Variants in CACNA1C observed in about 807,000 individuals in gnomAD.
The protein encoded by CACNA1C is voltage-dependent L-type calcium channel subunit alpha-1C.
In CACNA1C, 30 loss-of-function variants were observed where a neutral mutation model predicts 229.0. The ratio of observed to expected loss-of-function variants is 0.13; its 90% CI spans 0.10 to 0.18. The LOEUF (loss-of-function observed/expected upper bound fraction) is 0.18, where lower values mean the gene tolerates loss of function less well. Among genes scored for constraint, CACNA1C ranks in the 10% least tolerant of loss-of-function variants. CACNA1C has a pLI of 1.00. For missense variants in CACNA1C, 1,658 were observed against 2,845.0 expected (o/e 0.58, Z 9.49); for synonymous variants, 1,114 against 1,132.5 (o/e 0.98, Z 0.33).
chr12:2,025,923 G>A (rs1200024091), intron 1 of CACNA1C, among the ~76,000 whole-genome samples: 3 of 150,530 alleles, frequency 2.0e-5, no homozygotes, highest in Non-Finnish European at 4.4e-5. Context: ...GTAGCACTTC[G>A]CTAGGGTAAC....
At chr12:2,254,130 A>C (rs2076544495) in intron 3 of CACNA1C, among the ~76,000 whole-genome samples, 1 of 152,184 alleles carries the variant, frequency 6.6e-6, no homozygotes, top group Non-Finnish European at 1.5e-5. Context: ...AGTCCAGAAA[A>C]ACTCGCAATG....
At chr12:2,617,046 T>C (rs2081011819) in intron 29 of CACNA1C, among the ~76,000 whole-genome samples, 1 of 152,242 alleles carries the variant, frequency 6.6e-6, no homozygotes, top group Non-Finnish European at 1.5e-5. Flanking sequence ...TTGAAGCCCC[T>C]GTTATCTTTC....
chr12:2,419,033 G>A (rs2098946497), intron 3 of CACNA1C, among the ~76,000 whole-genome samples: 1 of 152,228 alleles, frequency 6.6e-6, no homozygotes, highest in Non-Finnish European at 1.5e-5. Flanking sequence ...GCAAAAGGAT[G>A]GGGTGTTCAT....
At chr12:2,638,599 A>C (rs114714779) in intron 30 of CACNA1C, among the ~76,000 whole-genome samples, 1,674 of 152,360 alleles carry the variant, frequency 0.011, 33 homozygotes, top group African/African-American at 0.037. Flanking sequence ...AGGCAAATGC[A>C]GTCATCCAGG....
intron 1 of CACNA1C, among the ~76,000 whole-genome samples, chr12:2,012,613 A>G (rs1457174471): frequency 6.6e-6 from 1 of 152,246 alleles, no homozygotes; most frequent in African/African-American, 2.4e-5. Flanking sequence ...TACACAATAG[A>G]TTGGAAGCCC....
At chr12:2,592,772 A>T (rs1472638983) in intron 18 of CACNA1C, among the ~76,000 whole-genome samples, 1 of 150,614 alleles carries the variant, frequency 6.6e-6, no homozygotes, top group Non-Finnish European at 1.5e-5. Flanking sequence ...TGGAACTTCC[A>T]AGAGTGAGGT....
At chr12:2,680,851 C>T (rs1246290637) in intron 42 of CACNA1C, among the ~76,000 whole-genome samples, 1 of 152,238 alleles carries the variant, frequency 6.6e-6, no homozygotes, top group Non-Finnish European at 1.5e-5. Context: ...GCACTGGGGG[C>T]ATCCTTCAAT....
Position 2,115,166 on chromosome 12 carries a change from C to T in CACNA1C, c.50-58C>T, listed in dbSNP as rs911979640. On this transcript the variant is annotated intron_variant, in intron 1 of 46. Coordinates refer to ENST00000399655, the MANE Select transcript of CACNA1C (RefSeq NM_000719.7). ...TGTGAATCTGGGGTCCAGAGAGTGT[C>T]GGAAGTGCCCCTGTTTTCTATCTAG... is the stretch of plus-strand genomic sequence containing the variant. The T allele has an allele frequency of 1.0e-5, 13 of 1,303,678 alleles. No individual in the cohort carries two copies. In the East Asian group the frequency reaches 2.3e-4, roughly 23 times the overall value. The allele number at this position is 1,303,678 out of a possible 1,614,324, so 80.8% of individuals were successfully genotyped here. A position where few individuals can be genotyped will look rare whatever the true frequency, so the allele number is the denominator to read the frequency against.
intron 3 of CACNA1C, among the ~76,000 whole-genome samples, chr12:2,431,344 TCA>T (rs1356187268): frequency 1.3e-5 from 2 of 152,304 alleles, no homozygotes; most frequent in South Asian, 2.1e-4. Flanking sequence ...AAAATCAGAC[TCA>T]CAGAGGCTGT....
At chr12:2,237,860 G>A (rs778951846) in intron 3 of CACNA1C, among the ~76,000 whole-genome samples, 5 of 152,184 alleles carry the variant, frequency 3.3e-5, no homozygotes, top group South Asian at 2.1e-4. Context: ...CAAATGTGCC[G>A]TCAGTCCAAA....
Position 2,486,799 on chromosome 12 carries a change from C to T in CACNA1C, c.916+537C>T, listed in dbSNP as rs1031659540. Among the ~76,000 whole-genome samples, 1 of 152,206 alleles carries T rather than the reference C, an allele frequency of 6.6e-6. No homozygotes were observed. Among genetic ancestry groups the T allele is most frequent in the Non-Finnish European group, 1.5e-5 (1 of 68,030 alleles). ...CCATTCACAGGCAGATGCCCCAGAGCCCCTATTCCAGGTGGGGGAGGAGGG... is the reference window on the plus strand; with the variant it reads ...CCATTCACAGGCAGATGCCCCAGAGTCCCTATTCCAGGTGGGGGAGGAGGG... On this transcript the variant is annotated intron_variant, in intron 6 of 46. Coordinates refer to ENST00000399655, the MANE Select transcript of CACNA1C (RefSeq NM_000719.7). This position sits in a 1 kb window ranked among gnomAD's most constrained non-coding sequence, Gnocchi z 4.9.
intron 3 of CACNA1C, among the ~76,000 whole-genome samples, chr12:2,433,500 C>T (rs1418987708): frequency 6.6e-6 from 1 of 152,252 alleles, no homozygotes; most frequent in African/African-American, 2.4e-5. Flanking sequence ...TTCACTCACG[C>T]ATTCATTCAT....
chr12:1,993,411 A>AG, intron 1 of CACNA1C: 1 of 1,606,450 alleles, frequency 6.2e-7, no homozygotes, highest in Non-Finnish European at 8.5e-7. Flanking sequence ...ACAAGGAGTC[A>AG]GGGGGAAATC....
At chr12:1,988,057 G>A (rs2038309410) in intron 1 of CACNA1C, among the ~76,000 whole-genome samples, 1 of 152,106 alleles carries the variant, frequency 6.6e-6, no homozygotes, top group Admixed American at 6.6e-5. Context: ...GGGTCATTAC[G>A]GGACTCTTCA....
chr12:2,597,266 T>G lies in CACNA1C; in HGVS notation c.2830T>G (p.Phe944Val). 1.2e-6 allele frequency: 2 copies of G among 1,612,768 alleles called. No individual in the cohort carries two copies. Among genetic ancestry groups the G allele is most frequent in the East Asian group, 2.2e-5 (1 of 44,876 alleles). ...FYFDIVFTTI[F>V]TIEIALKMTA... is the part of the protein sequence containing the mutation. Reference sequence around the variant, plus strand: ...TTTTGATATTGTTTTTACCACCATTTTCACCATTGAAATTGCTCTGAAGGT... The same window carrying G: ...TTTTGATATTGTTTTTACCACCATTGTCACCATTGAAATTGCTCTGAAGGT... Residue 944 changes from phenylalanine (F) to valine (V), a missense_variant, in exon 21 of 47, where the codon TTC becomes GTC. Coordinates refer to ENST00000399655, the MANE Select transcript of CACNA1C (RefSeq NM_000719.7). This position sits in a 1 kb window ranked among gnomAD's most constrained non-coding sequence, Gnocchi z 4.3.
At chr12:2,214,830 G>T (rs1333661230) in intron 3 of CACNA1C, among the ~76,000 whole-genome samples, 2 of 148,686 alleles carry the variant, frequency 1.3e-5, no homozygotes, top group Non-Finnish European at 3.0e-5. Context: ...GGACATGTGA[G>T]GTTCCTTTGA....
At chr12:2,558,035 C>T (rs1275751567) in intron 11 of CACNA1C, among the ~76,000 whole-genome samples, 2 of 152,246 alleles carry the variant, frequency 1.3e-5, no homozygotes, top group Non-Finnish European at 2.9e-5. Flanking sequence ...CTATCTCCTA[C>T]ATGGCAGGAG....
In CACNA1C at chr12:2,674,449, A is replaced by G. The variant is rs776390081; in HGVS notation, c.4727-92A>G. On this transcript the variant is annotated intron_variant, in intron 38 of 46. Coordinates refer to ENST00000399655, the MANE Select transcript of CACNA1C (RefSeq NM_000719.7). ...CTGATGAGTCAGGGTTGCGTGGGGC[A>G]GATGCCACCATCTGTGGCTTCCTAC... The G allele has an allele frequency of 1.3e-5, 19 of 1,485,734 alleles. 1 individual carries two copies. In the South Asian group the frequency reaches 2.0e-4, roughly 15 times the overall value. 92.0% of individuals were successfully genotyped at this position (1,485,734 alleles called of 1,614,324 possible).
At chr12:2,422,616 T>G (rs2098990044) in intron 3 of CACNA1C, among the ~76,000 whole-genome samples, 1 of 152,140 alleles carries the variant, frequency 6.6e-6, no homozygotes, top group Non-Finnish European at 1.5e-5. Context: ...CCCACAAAAT[T>G]ATTAATAGTT....
Sources: gnomAD v4.1 joint callset for allele counts (sites outside exome capture counted in the v4.1 genomes callset) on GRCh38, gnomAD v4.1.1 for gene constraint, Gnocchi (gnomAD v3.1) non-coding constraint, MANE v1.5 for transcripts, NCBI Gene and HGNC (gene_info 2026-07-23, HGNC 2026-07-21) for gene names.